The following GALNT13 variants were observed in gnomAD, a reference collection of about 807,000 sequenced individuals.
GALNT13 encodes UDP-GalNAc:polypeptide N-acetylgalactosaminyltransferase 13.
In GALNT13, 28 loss-of-function variants were observed where a neutral mutation model predicts 64.2. The observed-to-expected ratio is 0.44, with a 90% CI of 0.32 to 0.60. The LOEUF (loss-of-function observed/expected upper bound fraction) is 0.60, where lower values mean the gene tolerates loss of function less well. Among genes scored for constraint, GALNT13 ranks in the 20% least tolerant of loss-of-function variants. GALNT13 has a pLI of 0.05. For synonymous variants in GALNT13, 214 were observed against 224.6 expected (o/e 0.95, Z 0.42); for missense variants, 577 against 669.8 (o/e 0.86, Z 1.53).
intron 9 of GALNT13, among the ~76,000 whole-genome samples, chr2:154,386,922 A>T (rs887235524): frequency 2.0e-5 from 3 of 152,108 alleles, no homozygotes; most frequent in African/African-American, 7.2e-5. Flanking sequence ...TGTGGATATT[A>T]GAGTTAAATA....
At chr2:153,857,720 C>G in the GALNT13 span, among the ~76,000 whole-genome samples, 1 of 152,100 alleles carries the variant, frequency 6.6e-6, no homozygotes, top group African/African-American at 2.4e-5. Context: ...ATATCTGAAA[C>G]TTGGTGATTA....
chr2:153,991,789 T>C (rs1485356683), intron 3 of GALNT13, among the ~76,000 whole-genome samples: 1 of 152,174 alleles, frequency 6.6e-6, no homozygotes, highest in East Asian at 1.9e-4. Context: ...ATTGTTTAAT[T>C]TTTTTAACAT....
chr2:153,450,466 T>C, the GALNT13 span, among the ~76,000 whole-genome samples: 1 of 152,332 alleles, frequency 6.6e-6, no homozygotes, highest in East Asian at 1.9e-4. Flanking sequence ...ACTCAGACGC[T>C]GGTTTTGTCA....
chr2:153,354,030 T>C, the GALNT13 span, among the ~76,000 whole-genome samples: 1 of 152,170 alleles, frequency 6.6e-6, no homozygotes, highest in Non-Finnish European at 1.5e-5. Flanking sequence ...CTGGGCCTGG[T>C]ACTTTCTGTT....
chr2:154,375,981 G>T (rs537016773), intron 9 of GALNT13, among the ~76,000 whole-genome samples: 66 of 152,262 alleles, frequency 4.3e-4, no homozygotes, highest in Middle Eastern at 3.4e-3. Flanking sequence ...GAAGGACGTA[G>T]TTGTTACTGA....
intron 9 of GALNT13, among the ~76,000 whole-genome samples, chr2:154,319,844 A>C (rs2105158547): frequency 6.6e-6 from 1 of 152,184 alleles, no homozygotes; most frequent in Non-Finnish European, 1.5e-5. Flanking sequence ...TTTTGTTTGT[A>C]GTAGTTATTT....
chr2:154,001,005 A>G (rs1005520148), intron 3 of GALNT13, among the ~76,000 whole-genome samples: 1 of 151,834 alleles, frequency 6.6e-6, no homozygotes, highest in Non-Finnish European at 1.5e-5. Flanking sequence ...CAATTGCTAT[A>G]TTTTCTTGCT....
chr2:153,429,483 G>A, the GALNT13 span, among the ~76,000 whole-genome samples: 1 of 152,070 alleles, frequency 6.6e-6, no homozygotes, highest in African/African-American at 2.4e-5. Flanking sequence ...TGGCATGTGT[G>A]AAACATTGTG....
At chr2:154,369,729 T>C (rs1459254312) in intron 9 of GALNT13, among the ~76,000 whole-genome samples, 1 of 152,134 alleles carries the variant, frequency 6.6e-6, no homozygotes, top group Non-Finnish European at 1.5e-5. Flanking sequence ...CAGAATACCA[T>C]AGACTAGGTA....
chr2:154,013,350 G>T (rs73965346), intron 3 of GALNT13, among the ~76,000 whole-genome samples: 30 of 152,032 alleles, frequency 2.0e-4, no homozygotes, highest in African/African-American at 6.0e-4. Context: ...GCCCCTTGAG[G>T]TTATGACCCT....
chr2:153,245,083 C>T, the GALNT13 span, among the ~76,000 whole-genome samples: 12 of 152,214 alleles, frequency 7.9e-5, no homozygotes, highest in Admixed American at 1.3e-4. Flanking sequence ...CTCCTCACTG[C>T]GCAGGGGATC....
At chr2:153,762,994 A>G in the GALNT13 span, among the ~76,000 whole-genome samples, 1 of 151,686 alleles carries the variant, frequency 6.6e-6, no homozygotes, top group Non-Finnish European at 1.5e-5. Flanking sequence ...CTTTGATTGC[A>G]TTTGCTTTTG....
At chr2:153,486,153 G>T in the GALNT13 span, among the ~76,000 whole-genome samples, 1 of 152,006 alleles carries the variant, frequency 6.6e-6, no homozygotes, top group East Asian at 1.9e-4. Flanking sequence ...GGCCAAGCTG[G>T]TCTCAAACTC....
At chr2:153,691,895 C>T in the GALNT13 span, among the ~76,000 whole-genome samples, 4 of 151,826 alleles carry the variant, frequency 2.6e-5, no homozygotes, top group South Asian at 2.1e-4. Context: ...AACAGAAATC[C>T]GTACTGATAT....
chr2:153,886,459 A>G (rs1687188585), intron 1 of GALNT13, among the ~76,000 whole-genome samples: 1 of 151,804 alleles, frequency 6.6e-6, no homozygotes, highest in Admixed American at 6.6e-5. Context: ...ATGCAGCCAT[A>G]AAAAGCGATG....
chr2:153,620,389 G>T, the GALNT13 span, among the ~76,000 whole-genome samples: 1 of 152,016 alleles, frequency 6.6e-6, no homozygotes, highest in African/African-American at 2.4e-5. Context: ...CTCCCAAAGT[G>T]CTGGGATTAC....
At position 154,157,206 on chromosome 2, in the gene GALNT13, C is replaced by A. The variant is rs1420924598; in HGVS notation, c.311+16701C>A. Reference sequence around the variant, plus strand: ...GCAAAGAAAACTCCCCCTAGTCTCACCATGGCATCTACCCATCTACCCATT... The same window carrying A: ...GCAAAGAAAACTCCCCCTAGTCTCAACATGGCATCTACCCATCTACCCATT... On this transcript the variant is annotated intron_variant, in intron 4 of 12. Transcript: ENST00000392825. Among the ~76,000 whole-genome samples the A allele has an allele frequency of 2.6e-5, 4 of 152,150 alleles. 1 individual carries two copies. The South Asian group carries it at 8.3e-4, about 32-fold the overall frequency.
At chr2:153,807,897 G>T in the GALNT13 span, among the ~76,000 whole-genome samples, 2 of 152,048 alleles carry the variant, frequency 1.3e-5, no homozygotes, top group Non-Finnish European at 2.9e-5. Context: ...TTTTAGGCAT[G>T]AGTTAAAGCC....
chr2:153,763,454 C>T, the GALNT13 span, among the ~76,000 whole-genome samples: 18 of 152,162 alleles, frequency 1.2e-4, no homozygotes, highest in African/African-American at 2.9e-4. Flanking sequence ...ACTGTTGTCA[C>T]GATAGTGAAT....
Sources: gnomAD v4.1 joint callset for allele counts (sites outside exome capture counted in the v4.1 genomes callset) on GRCh38, gnomAD v4.1.1 for gene constraint, MANE v1.5 for transcripts, NCBI Gene and HGNC (gene_info 2026-07-23, HGNC 2026-07-21) for gene names.